TNFAIP8: variants seen among roughly 807,000 people sequenced by gnomAD.
TNFAIP8 encodes the protein TNF alpha induced protein 8, also known as tumor necrosis factor alpha-induced protein 8.
Under a neutral mutation model 13.3 loss-of-function variants are expected in TNFAIP8, and 7 were observed. The ratio of observed to expected loss-of-function variants is 0.52; its 90% CI spans 0.30 to 0.99. The LOEUF is 0.99. Ranked by LOEUF, TNFAIP8 falls within the 50% of genes least tolerant of loss-of-function variation. The pLI, the probability that TNFAIP8 is intolerant of heterozygous loss-of-function variation, is 0.07. For missense variants in TNFAIP8, 258 were observed against 236.9 expected, an observed-to-expected ratio of 1.09 and a Z score of -0.58; for synonymous variants, 94 against 87.6, an observed-to-expected ratio of 1.07 and a Z score of -0.41.
chr5:119,297,303 G>A (rs1749208879), intron 1 of TNFAIP8, among the ~76,000 whole-genome samples: 1 of 151,998 alleles, frequency 6.6e-6, no homozygotes, highest in Non-Finnish European at 1.5e-5. Flanking sequence ...CTGGTATGTT[G>A]TGTCTTTGTT....
intron 1 of TNFAIP8, among the ~76,000 whole-genome samples, chr5:119,269,351 A>G (rs1213739036): frequency 2.0e-5 from 3 of 152,194 alleles, no homozygotes; most frequent in Non-Finnish European, 4.4e-5. Context: ...CTGAGATTGT[A>G]ATCCAACCTT....
Position 119,282,812 on chromosome 5 carries a change from C to G in TNFAIP8, c.1+13905C>G, listed in dbSNP as rs1165973965. Among the ~76,000 whole-genome samples the G allele has an allele frequency of 2.0e-5, 3 of 152,208 alleles. No individual in the cohort carries two copies. In the East Asian group the frequency reaches 5.8e-4, roughly 29 times the overall value. On this transcript the variant is annotated intron_variant, in intron 1 of 1. Transcript: ENST00000274456. ...TCCTTCCTGCCCTTTCCTTTCTTGA[C>G]TGATCTTTTTGGTCTTCATTTCTTG...
intron 1 of TNFAIP8, among the ~76,000 whole-genome samples, chr5:119,381,087 G>A (rs1440885385): frequency 1.3e-5 from 2 of 152,214 alleles, no homozygotes; most frequent in African/African-American, 4.8e-5. Flanking sequence ...TCCTACAAAT[G>A]CTGGCTCTCA....
At chr5:119,320,402 A>C (rs750152200) in intron 1 of TNFAIP8, among the ~76,000 whole-genome samples, 1 of 152,116 alleles carries the variant, frequency 6.6e-6, no homozygotes, top group South Asian at 2.1e-4. Flanking sequence ...CTTAAAAAAC[A>C]AGTTAAAGAA....
At position 119,292,806 on chromosome 5, in the gene TNFAIP8, A is replaced by G. The variant is rs181040675; in HGVS notation, c.1+23899A>G. Reference sequence around the variant, plus strand: ...TAAGATAAACCAGATGCAAAAGGCTACATACTGTGTGGTTCTGTTCATGTG... The same window carrying G: ...TAAGATAAACCAGATGCAAAAGGCTGCATACTGTGTGGTTCTGTTCATGTG... On this transcript the variant is annotated intron_variant, in intron 1 of 1. Transcript: ENST00000274456. Among the ~76,000 whole-genome samples the G allele has an allele frequency of 1.9e-3, 286 of 151,528 alleles. 1 individual carries two copies. The highest frequency in any genetic ancestry group is 6.7e-3 in the African/African-American group (277 of 41,394).
intron 1 of TNFAIP8, among the ~76,000 whole-genome samples, chr5:119,360,241 C>T (rs1163425236): frequency 6.6e-6 from 1 of 152,124 alleles, no homozygotes; most frequent in Non-Finnish European, 1.5e-5. Context: ...AAAGAGAATG[C>T]AGTAGAGCCA....
intron 1 of TNFAIP8, among the ~76,000 whole-genome samples, chr5:119,389,991 T>C (rs1343045269): frequency 6.6e-6 from 1 of 152,216 alleles, no homozygotes; most frequent in Non-Finnish European, 1.5e-5. Context: ...TTGTTTTCCA[T>C]GTTTGAAGTT....
intron 1 of TNFAIP8, among the ~76,000 whole-genome samples, chr5:119,307,642 T>C (rs760979755): frequency 5.9e-5 from 9 of 152,234 alleles, no homozygotes; most frequent in African/African-American, 9.6e-5. Context: ...TGGAGATATG[T>C]TGTATAATGC....
At chr5:119,392,335 C>A (rs1205027651) in intron 1 of TNFAIP8, among the ~76,000 whole-genome samples, 2 of 152,142 alleles carry the variant, frequency 1.3e-5, no homozygotes, top group Non-Finnish European at 2.9e-5. Flanking sequence ...AAATGAATTT[C>A]TTTTAAATCG....
intron 1 of TNFAIP8, among the ~76,000 whole-genome samples, chr5:119,332,808 A>G (rs1381357817): frequency 1.3e-5 from 2 of 152,228 alleles, no homozygotes; most frequent in African/African-American, 2.4e-5. Flanking sequence ...TAAAGAAACT[A>G]TTAGATTGTA....
At chr5:119,280,908 T>G (rs1202169974) in intron 1 of TNFAIP8, among the ~76,000 whole-genome samples, 3 of 151,238 alleles carry the variant, frequency 2.0e-5, no homozygotes, top group Non-Finnish European at 4.4e-5. Flanking sequence ...CTGATTAGGG[T>G]TTTTTTTTAA....
At chr5:119,294,330 A>C (rs1749095286) in intron 1 of TNFAIP8, among the ~76,000 whole-genome samples, 1 of 151,964 alleles carries the variant, frequency 6.6e-6, no homozygotes, top group African/African-American at 2.4e-5. Flanking sequence ...GTTTACTGAG[A>C]ATGATGATTT....
chr5:119,300,919 G>T (rs1749370314), intron 1 of TNFAIP8, among the ~76,000 whole-genome samples: 1 of 152,166 alleles, frequency 6.6e-6, no homozygotes, highest in African/African-American at 2.4e-5. Context: ...AGGTGCAGAT[G>T]GGAGTTAAAG....
At chr5:119,344,700 T>A (rs17145230) in intron 1 of TNFAIP8, among the ~76,000 whole-genome samples, 34,547 of 152,086 alleles carry the variant, frequency 0.23, 4,199 homozygotes, top group Non-Finnish European at 0.26. Flanking sequence ...CTTTACTGAC[T>A]GCTGCAGGAA....
At chr5:119,280,572 G>A (rs34748226) in intron 1 of TNFAIP8, among the ~76,000 whole-genome samples, 28,401 of 151,896 alleles carry the variant, frequency 0.19, 2,882 homozygotes, top group African/African-American at 0.25. Flanking sequence ...CATCCCTTTG[G>A]CAAGATTACA....
intron 1 of TNFAIP8, among the ~76,000 whole-genome samples, chr5:119,334,139 C>CAAAAAAAAAAAAA (rs57346323): frequency 4.8e-5 from 5 of 104,446 alleles, no homozygotes; most frequent in Non-Finnish European, 6.4e-5. Context: ...CTCTAACAAC[C>CAAAAAAAAAAAAA]AAAAAAAAAA....
intron 1 of TNFAIP8, among the ~76,000 whole-genome samples, chr5:119,335,058 C>T (rs1048101525): frequency 2.0e-5 from 3 of 152,046 alleles, no homozygotes; most frequent in Admixed American, 6.6e-5. Flanking sequence ...CAAGGTTGTG[C>T]GTGCCAAGCT....
intron 1 of TNFAIP8, among the ~76,000 whole-genome samples, chr5:119,372,188 A>G (rs1260205338): frequency 6.6e-6 from 1 of 151,612 alleles, no homozygotes; most frequent in Admixed American, 6.6e-5. Flanking sequence ...AAATTAGCCA[A>G]CTGTGGTGGC....
intron 1 of TNFAIP8, among the ~76,000 whole-genome samples, chr5:119,358,606 T>G (rs1376156287): frequency 6.6e-6 from 1 of 152,206 alleles, no homozygotes; most frequent in Non-Finnish European, 1.5e-5. Context: ...GAAACTCACT[T>G]TTTTAAAAAG....
Sources: gnomAD v4.1 joint callset for allele counts (sites outside exome capture counted in the v4.1 genomes callset) on GRCh38, gnomAD v4.1.1 for gene constraint, MANE v1.5 for transcripts, NCBI Gene and HGNC (gene_info 2026-07-23, HGNC 2026-07-21) for gene names.